SIN3B: variants seen among roughly 807,000 people sequenced by gnomAD.
SIN3B encodes SIN3 transcription regulator family member B, also known as paired amphipathic helix protein Sin3b.
Under a neutral mutation model 120.2 loss-of-function variants are expected in SIN3B, and 19 were observed. The observed-to-expected ratio is 0.16, with a 90% CI of 0.11 to 0.23. SIN3B has a LOEUF of 0.23. Among genes scored for constraint, SIN3B ranks in the 10% least tolerant of loss-of-function variants. The pLI is 1.00. For synonymous variants in SIN3B, 654 were observed against 653.2 expected (o/e 1.00, Z -0.02); for missense variants, 1,073 against 1,573.0 (o/e 0.68, Z 5.38).
At chr19:16,872,606 G>A (rs2051526530) in intron 14 of SIN3B, 1 of 152,112 alleles carries the variant, frequency 6.6e-6, no homozygotes, top group Non-Finnish European at 1.5e-5. Context: ...ACCACGCCTG[G>A]CTAATTTTTG....
chr19:16,861,711 C>G (rs1227674982), intron 8 of SIN3B, among the ~76,000 whole-genome samples: 1 of 148,616 alleles, frequency 6.7e-6, no homozygotes, highest in Admixed American at 6.8e-5. Flanking sequence ...TGAAGTGAGC[C>G]GAGATTGTGC....
intron 2 of SIN3B, 46 bp downstream of exon 2, chr19:16,829,943 G>C (rs1332744112): frequency 7.1e-7 from 1 of 1,402,154 alleles, no homozygotes; most frequent in South Asian, 1.2e-5. Context: ...CCCTGGGCCG[G>C]AATCGGGCCT....
chr19:16,876,627 G>A lies in SIN3B; in HGVS notation c.2859+49G>A, dbSNP rs2051612290. On this transcript the variant is annotated intron_variant, in intron 16 of 18. Coordinates refer to ENST00000248054, the MANE Select transcript of SIN3B (RefSeq NM_001297595.2). This position sits in a 1 kb window ranked among gnomAD's most constrained non-coding sequence, Gnocchi z 7.1. ...GCCACGCATACCAGGGAGCGCCTGA[G>A]GGCAGCAGCATGGGGCTCCCACCAG... 2 of 1,474,722 alleles carry A rather than the reference G, an allele frequency of 1.4e-6. No homozygotes were observed. Among genetic ancestry groups the A allele is most frequent in the East Asian group, 4.6e-5 (2 of 43,794 alleles). 91.4% of individuals were successfully genotyped at this position (1,474,722 alleles called of 1,614,324 possible).
At chr19:16,864,570 G>A (rs1396864545) in intron 10 of SIN3B, among the ~76,000 whole-genome samples, 1 of 151,580 alleles carries the variant, frequency 6.6e-6, no homozygotes, top group East Asian at 2.0e-4. Flanking sequence ...GGCCTCAAGC[G>A]ATCCTCCCAC....
chr19:16,867,786 C>T (rs1442985199), intron 12 of SIN3B, among the ~76,000 whole-genome samples: 1 of 152,152 alleles, frequency 6.6e-6, no homozygotes. Context: ...CCCTTCCCTC[C>T]CACCTCCCTT....
At chr19:16,847,169 C>T (rs1330811786) in intron 5 of SIN3B, 56 bp downstream of exon 5, 1 of 1,568,510 alleles carries the variant, frequency 6.4e-7, no homozygotes, top group Non-Finnish European at 8.7e-7. Context: ...ACGGAGGGCC[C>T]CAGCCAGCTT....
intron 8 of SIN3B, among the ~76,000 whole-genome samples, chr19:16,857,857 T>C (rs536267402): frequency 6.6e-6 from 1 of 151,894 alleles, no homozygotes; most frequent in African/African-American, 2.4e-5. Context: ...CTTTGCTTCT[T>C]TTCTCTTCTC....
At chr19:16,839,228 A>G (rs1460092434) in intron 3 of SIN3B, among the ~76,000 whole-genome samples, 1 of 152,158 alleles carries the variant, frequency 6.6e-6, no homozygotes, top group African/African-American at 2.4e-5. Context: ...TCAACCTCCC[A>G]AAGTGCTAGA....
At chr19:16,863,250 T>C in intron 9 of SIN3B, 1 of 502,242 alleles carries the variant, frequency 2.0e-6, no homozygotes, top group Non-Finnish European at 3.6e-6. Flanking sequence ...AACCATGGAT[T>C]GAAAATACGT....
In SIN3B at chr19:16,846,984, C is replaced by T. The variant is rs191373709; in HGVS notation, c.597C>T (p.Asn199=). The T allele has an allele frequency of 7.4e-6, 12 of 1,614,076 alleles. No homozygotes were observed. Among genetic ancestry groups the T allele is most frequent in the Non-Finnish European group, 1.0e-5 (12 of 1,179,922 alleles). The change falls in exon 5 of 19, where the codon AAC becomes AAT. Residue 199 remains asparagine (N), a synonymous_variant. Transcript: ENST00000248054. The part of the protein sequence containing the change: ...ILHTYQKEQL[N]TRGRPFRGMS... Reference sequence around the variant, plus strand: ...AAAACTGGCAGAAGGAGCAGCTGAACACGAGGGGCCGGCCATTCCGAGGCA... The same window carrying T: ...AAAACTGGCAGAAGGAGCAGCTGAATACGAGGGGCCGGCCATTCCGAGGCA...
chr19:16,841,956 G>T lies in SIN3B; in HGVS notation c.570G>T (p.Leu190=). The T allele has an allele frequency of 6.2e-7, 1 of 1,613,582 alleles. No individual in the cohort carries two copies. Among genetic ancestry groups the T allele is most frequent in the Non-Finnish European group, 8.5e-7 (1 of 1,179,700 alleles). Residue 190 remains leucine (L), a synonymous_variant, in exon 4 of 19, where the codon CTG becomes CTT. Coordinates refer to ENST00000248054, the MANE Select transcript of SIN3B (RefSeq NM_001297595.2). ...PEIYRSFLEI[L]HTYQKEQLNT... is the part of the protein sequence containing the mutation. The stretch of plus-strand genomic sequence containing the variant: ...TCTACAGGTCATTCCTGGAGATCCT[G>T]CACACGTACCAGGTAAGAACTCAGA...
Position 16,878,334 on chromosome 19 carries a change from A to T in SIN3B, c.3106A>T (p.Ile1036Phe). 6.2e-7 allele frequency: 1 copy of T among 1,612,616 alleles called. No homozygotes were observed. Among genetic ancestry groups the T allele is most frequent in the Non-Finnish European group, 8.5e-7 (1 of 1,179,744 alleles). The change falls in exon 18 of 19, where the codon ATC (isoleucine) becomes TTC (phenylalanine). Residue 1036 changes from isoleucine to phenylalanine, a missense_variant. Ile to Phe is a conservative substitution (Grantham distance 21). Transcript: ENST00000248054. ...GCTCAGCACTCACAAGATGGTGTTC[A>T]TCGTGAACTCCGAGGACTACATGTA... ...FKLSTHKMVF[I>F]VNSEDYMYRR...
rs1032148165 is a variant in SIN3B at position 16,862,097 on chromosome 19, T to C, written c.1059-255T>C. 3.9e-5 allele frequency among the ~76,000 whole-genome samples: 6 copies of C among 152,196 alleles called. No homozygotes were observed. Among genetic ancestry groups the C allele is most frequent in the Non-Finnish European group, 7.3e-5 (5 of 68,044 alleles). ...TTTCTGGTGTATTTCAAAGCCTTAC[T>C]GTGAGTATGGGATTAATAGGCACAG... On this transcript the variant is annotated intron_variant, in intron 8 of 18. Transcript: ENST00000248054. The surrounding 1 kb of genome is among the most constrained non-coding windows in gnomAD (Gnocchi z 4.7).
intron 12 of SIN3B, among the ~76,000 whole-genome samples, chr19:16,868,077 A>G (rs1253212860): frequency 2.0e-5 from 3 of 152,100 alleles, no homozygotes; most frequent in Non-Finnish European, 2.9e-5. Context: ...ACCCCATTCC[A>G]TCACGTGATT....
chr19:16,870,934 G>A (rs1010573836), intron 13 of SIN3B, among the ~76,000 whole-genome samples: 6 of 151,092 alleles, frequency 4.0e-5, no homozygotes, highest in Non-Finnish European at 7.4e-5. Flanking sequence ...CAGGTGATCC[G>A]CCTGCCTCAG....
At chr19:16,856,997 G>A (rs937363816) in intron 8 of SIN3B, among the ~76,000 whole-genome samples, 5 of 152,102 alleles carry the variant, frequency 3.3e-5, no homozygotes, top group Non-Finnish European at 7.4e-5. Context: ...TGTGGCTGTA[G>A]CGTTCACCCC....
chr19:16,876,466 T>C lies in SIN3B; in HGVS notation c.2767-20T>C, dbSNP rs1403463680. On this transcript the variant is annotated intron_variant, in intron 15 of 18. Transcript: ENST00000248054. This position sits in a 1 kb window ranked among gnomAD's most constrained non-coding sequence, Gnocchi z 7.1. ...TGGGCTGTGCCGGCAGTGGAGGCTG[T>C]CAGCGTTCCTGCTCCGCAGGTGATG... 1 of 1,607,490 alleles carries C rather than the reference T, an allele frequency of 6.2e-7. No individual in the cohort carries two copies. Among genetic ancestry groups the C allele is most frequent in the South Asian group, 1.1e-5 (1 of 90,868 alleles).
rs779856817 is a variant in SIN3B, at chr19:16,865,490, G to A, written c.1464G>A (p.Pro488=). 11 of 1,613,410 alleles carry A rather than the reference G, an allele frequency of 6.8e-6. No individual in the cohort carries two copies. Among genetic ancestry groups the A allele is most frequent in the East Asian group, 6.7e-5 (3 of 44,840 alleles). The change falls in exon 11 of 19, where the codon CCG becomes CCA. Residue 488 remains proline (P), a synonymous_variant. Coordinates refer to ENST00000248054, the MANE Select transcript of SIN3B (RefSeq NM_001297595.2). ...AGAAGAAGCTGTCTCGGATGGCGCC[G>A]GAAGACCAGGAGAAGTTCCGGCTGG... ...SVQKKLSRMA[P]EDQEKFRLDD...
Position 16,876,125 on chromosome 19 carries a change from G to A in SIN3B, c.2663G>A (p.Gly888Asp), listed in dbSNP as rs758880094. The A allele has an allele frequency of 1.9e-6, 3 of 1,606,832 alleles. No homozygotes were observed. The highest frequency in any genetic ancestry group is 2.5e-6 in the Non-Finnish European group (3 of 1,177,686). Residue 888 changes from glycine (G) to aspartate (D), a missense_variant, in exon 15 of 19, where the codon GGT becomes GAT. By Grantham distance (94) the Gly-to-Asp change is moderately conservative. Coordinates refer to ENST00000248054, the MANE Select transcript of SIN3B (RefSeq NM_001297595.2). The surrounding 1 kb of genome is among the most constrained non-coding windows in gnomAD (Gnocchi z 7.1). ...CTCTACCTGAACGAGAAGAAGCGGG[G>A]TGCCGCTGGTGGGAACCTGTCCTCC... is the stretch of plus-strand genomic sequence containing the variant. ...VELYLNEKKR[G>D]AAGGNLSSRC...
Sources: gnomAD v4.1 joint callset for allele counts (sites outside exome capture counted in the v4.1 genomes callset) on GRCh38, gnomAD v4.1.1 for gene constraint, Gnocchi (gnomAD v3.1) non-coding constraint, MANE v1.5 for transcripts, NCBI Gene and HGNC (gene_info 2026-07-23, HGNC 2026-07-21) for gene names.